Variants in ELOVL2 observed in about 807,000 individuals in gnomAD.
ELOVL2 encodes the protein ELOVL fatty acid elongase 2.
Under a neutral mutation model 37.7 loss-of-function variants are expected in ELOVL2, and 38 were observed. The ratio of observed to expected loss-of-function variants is 1.01; its 90% CI spans 0.78 to 1.32. The LOEUF (loss-of-function observed/expected upper bound fraction) is 1.32. ELOVL2 is among the 40% of genes most tolerant of loss of function. The pLI, the probability that ELOVL2 is intolerant of heterozygous loss-of-function variation, is 0.00. For missense variants in ELOVL2, 352 were observed against 363.6 expected (o/e 0.97, Z 0.26); for synonymous variants, 115 against 122.3 (o/e 0.94, Z 0.40).
rs556948101 is a variant in ELOVL2 at position 11,036,136 on chromosome 6, C to T, written c.3+8092G>A. ...GCAAGTACTGATGAGATTAGTGTTACGAAAGGTATTAAAATAGGGTGTTTC... is the reference window on the plus strand; with the variant it reads ...GCAAGTACTGATGAGATTAGTGTTATGAAAGGTATTAAAATAGGGTGTTTC... On this transcript the variant is annotated intron_variant, in intron 1 of 7. Transcript: ENST00000354666. 5.3e-5 allele frequency among the ~76,000 whole-genome samples: 8 copies of T among 152,194 alleles called. No individual in the cohort carries two copies. The South Asian group carries it at 1.2e-3, about 24-fold the overall frequency.
chr6:11,005,280 C>G (rs1400321949), intron 3 of ELOVL2, 92 bp downstream of exon 3: 1 of 1,141,780 alleles, frequency 8.8e-7, no homozygotes, highest in East Asian at 2.4e-5. Flanking sequence ...CTTAAAGTAA[C>G]CTTGCATAGT....
chr6:11,024,159 A>G (rs2113545689), intron 1 of ELOVL2, among the ~76,000 whole-genome samples: 1 of 152,364 alleles, frequency 6.6e-6, no homozygotes, highest in South Asian at 2.1e-4. Flanking sequence ...AAAGTTATTT[A>G]TTACAAGCTA....
rs544612488 is a variant in ELOVL2 at position 10,986,234 on chromosome 6, T to C, written c.766-2328A>G. Reference sequence around the variant, plus strand: ...GACTTTGCTGAAGTTGCTTATCAGCTTAAGGAGATTTTGGGCTGAGACATG... The same window carrying C: ...GACTTTGCTGAAGTTGCTTATCAGCCTAAGGAGATTTTGGGCTGAGACATG... On this transcript the variant is annotated intron_variant, in intron 7 of 7. Coordinates refer to ENST00000354666, the MANE Select transcript of ELOVL2 (RefSeq NM_017770.4). Among the ~76,000 whole-genome samples the C allele has an allele frequency of 3.0e-3, 454 of 152,342 alleles. 3 individuals carry two copies. The highest frequency in any genetic ancestry group is 0.021 in the South Asian group (99 of 4,828).
intron 1 of ELOVL2, among the ~76,000 whole-genome samples, chr6:11,024,464 T>C (rs1782812106): frequency 6.6e-6 from 1 of 152,198 alleles, no homozygotes; most frequent in Non-Finnish European, 1.5e-5. Context: ...TATTATTAGG[T>C]CCCTAGACAC....
chr6:11,024,891 T>C (rs1238390412), intron 1 of ELOVL2, among the ~76,000 whole-genome samples: 8 of 152,238 alleles, frequency 5.3e-5, no homozygotes, highest in African/African-American at 1.7e-4. Context: ...TTGTTTGGAT[T>C]TCCCATGTAT....
intron 1 of ELOVL2, among the ~76,000 whole-genome samples, chr6:11,029,038 C>T (rs1179219278): frequency 4.1e-5 from 5 of 123,430 alleles, no homozygotes; most frequent in Non-Finnish European, 8.0e-5. Flanking sequence ...CTGGGCAACA[C>T]GGCAAAACTT....
chr6:11,037,859 T>C (rs1237266267), intron 1 of ELOVL2, among the ~76,000 whole-genome samples: 1 of 152,234 alleles, frequency 6.6e-6, no homozygotes, highest in East Asian at 1.9e-4. Flanking sequence ...ACTTTATATA[T>C]TTAATATGTT....
At chr6:10,993,031 C>G (rs976799878) in intron 5 of ELOVL2, among the ~76,000 whole-genome samples, 2 of 151,954 alleles carry the variant, frequency 1.3e-5, no homozygotes, top group Non-Finnish European at 2.9e-5. Context: ...TGTGTCTACA[C>G]TTTTTTAAAA....
intron 1 of ELOVL2, among the ~76,000 whole-genome samples, chr6:11,042,106 A>T (rs1044306849): frequency 3.3e-5 from 5 of 151,906 alleles, no homozygotes; most frequent in African/African-American, 9.7e-5. Context: ...TGAGGTCAGG[A>T]GTTAGAGACC....
rs1781932095 is a variant in ELOVL2, at chr6:10,981,338, T to G, written c.*2443A>C. ...TAGTTTTAGAAAAATCACATTAAAA[T>G]AAGCATTTTGGTTTTTTGAAGTTAC... is the stretch of plus-strand genomic sequence containing the variant. On this transcript the variant is annotated 3_prime_UTR_variant, in exon 8 of 8. Transcript: ENST00000354666. The G allele has an allele frequency of 1.3e-5, 2 of 152,656 alleles. No individual in the cohort carries two copies. The highest frequency in any genetic ancestry group is 2.9e-5 in the Non-Finnish European group (2 of 68,040). 9.5% of individuals were successfully genotyped at this position (152,656 alleles called of 1,614,324 possible). A position where few individuals can be genotyped will look rare whatever the true frequency, so the allele number is the denominator to read the frequency against.
intron 1 of ELOVL2, among the ~76,000 whole-genome samples, chr6:11,017,201 CACTT>C (rs1782697061): frequency 6.6e-6 from 1 of 152,164 alleles, no homozygotes. Flanking sequence ...GTTTATTAAA[CACTT>C]AGTACGTGTC....
intron 4 of ELOVL2, among the ~76,000 whole-genome samples, chr6:10,998,876 A>AAAT (rs1486975824): frequency 1.3e-5 from 2 of 152,162 alleles, no homozygotes; most frequent in Admixed American, 1.3e-4. Context: ...TTTTAAAAAC[A>AAAT]AATAAAGTTA....
chr6:11,004,317 C>G (rs1782442740), intron 3 of ELOVL2, among the ~76,000 whole-genome samples: 1 of 151,850 alleles, frequency 6.6e-6, no homozygotes. Context: ...AGAAAGGCAG[C>G]TATATTTGTG....
chr6:11,030,567 C>A (rs1224469830), intron 1 of ELOVL2, among the ~76,000 whole-genome samples: 1 of 152,122 alleles, frequency 6.6e-6, no homozygotes, highest in Non-Finnish European at 1.5e-5. Flanking sequence ...TCTCGGCTCA[C>A]TGCAAGCTCT....
chr6:11,004,715 C>T (rs966724570), intron 3 of ELOVL2, among the ~76,000 whole-genome samples: 3 of 152,120 alleles, frequency 2.0e-5, no homozygotes, highest in South Asian at 2.1e-4. Flanking sequence ...TTAAAATACT[C>T]GGTTAATCAC....
At chr6:11,010,353 G>A (rs1782553980) in intron 2 of ELOVL2, among the ~76,000 whole-genome samples, 1 of 152,090 alleles carries the variant, frequency 6.6e-6, no homozygotes, top group Non-Finnish European at 1.5e-5. Context: ...AATTTATCAA[G>A]GCATCTAAGG....
At position 10,982,590 on chromosome 6, in the gene ELOVL2, T is replaced by C. The variant is rs1381868804; in HGVS notation, c.*1191A>G. 2.0e-5 allele frequency: 3 copies of C among 152,224 alleles called. No individual in the cohort carries two copies. The highest frequency in any genetic ancestry group is 2.9e-5 in the Non-Finnish European group (2 of 68,044). 9.4% of individuals were successfully genotyped at this position (152,224 alleles called of 1,614,324 possible). ...AGAAAGGAAATACTCATTAATACTT[T>C]TGTCTACTTTTGTGCTTGCTTCTCG... On this transcript the variant is annotated 3_prime_UTR_variant, in exon 8 of 8. Transcript: ENST00000354666.
At chr6:10,989,402 C>T (rs1376031467) in intron 7 of ELOVL2, among the ~76,000 whole-genome samples, 2 of 152,190 alleles carry the variant, frequency 1.3e-5, no homozygotes, top group Admixed American at 1.3e-4. Context: ...CCTATAATCC[C>T]AGCACTTTGG....
chr6:10,990,179 T>A, intron 6 of ELOVL2, 139 bp downstream of exon 6: 4 of 1,038,630 alleles, frequency 3.9e-6, no homozygotes, highest in Non-Finnish European at 5.6e-6. Context: ...CACAAAAAGT[T>A]TAATTCTTAA....
Sources: allele counts gnomAD v4.1 joint callset (sites outside exome capture counted in the v4.1 genomes callset), GRCh38; gene constraint gnomAD v4.1.1; transcripts MANE v1.5; gene names NCBI Gene and HGNC (gene_info 2026-07-23, HGNC 2026-07-21).